Variants in FCF1 observed in about 807,000 individuals in gnomAD.
FCF1 encodes the protein FCF1 rRNA-processing protein.
In FCF1, 17 loss-of-function variants were observed where a neutral mutation model predicts 32.5. The observed-to-expected ratio is 0.52, with a 90% CI of 0.36 to 0.78. The LOEUF (loss-of-function observed/expected upper bound fraction) is 0.78, where lower values mean the gene tolerates loss of function less well. Ranked by LOEUF, FCF1 falls within the 30% of genes least tolerant of loss-of-function variation. FCF1 has a pLI of 0.00. For missense variants in FCF1, 201 were observed against 241.1 expected (o/e 0.83, Z 1.10); for synonymous variants, 84 against 78.4 (o/e 1.07, Z -0.38).
chr14:74,715,237 T>A (rs868124943), intron 3 of FCF1, among the ~76,000 whole-genome samples: 4 of 152,098 alleles, frequency 2.6e-5, no homozygotes, highest in South Asian at 2.1e-4. Context: ...CAGCAGTTCA[T>A]AAAAGAGAGA....
At chr14:74,730,175 A>T (rs1021312062) in intron 5 of FCF1, among the ~76,000 whole-genome samples, 1 of 150,756 alleles carries the variant, frequency 6.6e-6, no homozygotes. Flanking sequence ...ATGCAAACCA[A>T]TACTGCATTG....
chr14:74,713,595 G>A (rs766643493), intron 2 of FCF1, 43 bp downstream of exon 2: 1 of 1,507,084 alleles, frequency 6.6e-7, no homozygotes, highest in Non-Finnish European at 9.1e-7. Flanking sequence ...TCTAATAAGA[G>A]TCTAGAGAGG....
intron 2 of FCF1, 82 bp downstream of exon 2, chr14:74,713,634 A>G (rs2090366906): frequency 7.6e-7 from 1 of 1,321,524 alleles, no homozygotes; most frequent in Admixed American, 2.1e-5. Context: ...TGTTGTTATT[A>G]TTTTGTTTTT....
chr14:74,716,142 T>A, intron 4 of FCF1, 43 bp downstream of exon 4: 1 of 1,568,394 alleles, frequency 6.4e-7, no homozygotes, highest in Non-Finnish European at 8.8e-7. Context: ...TTGTTCAGAA[T>A]AATTATATTT....
At chr14:74,719,128 T>A (rs1270273697) in intron 4 of FCF1, among the ~76,000 whole-genome samples, 7 of 69,530 alleles carry the variant, frequency 1.0e-4, no homozygotes, top group East Asian at 3.9e-4. Flanking sequence ...AGACTCTGTC[T>A]CAAAAAAAAA....
rs1188960206 is a variant in FCF1, at chr14:74,736,554, C to G, written c.*1624C>G. On this transcript the variant is annotated 3_prime_UTR_variant, in exon 8 of 8. Coordinates refer to ENST00000341162, the MANE Select transcript of FCF1 (RefSeq NM_015962.5). The stretch of plus-strand genomic sequence containing the variant: ...TTATACATTTCAAAATTGATGTTCT[C>G]ATCACAGAAATGTATTTGAAGTATT... The G allele has an allele frequency of 2.0e-5, 3 of 152,220 alleles. No individual in the cohort carries two copies. The highest frequency in any genetic ancestry group is 7.2e-5 in the African/African-American group (3 of 41,526). The allele number at this position is 152,220 out of a possible 1,614,324, so 9.4% of individuals were successfully genotyped here.
chr14:74,714,153 G>A (rs1240466818), intron 2 of FCF1, among the ~76,000 whole-genome samples: 1 of 152,192 alleles, frequency 6.6e-6, no homozygotes, highest in African/African-American at 2.4e-5. Context: ...GATCTTCACT[G>A]AGTTTAAGAG....
intron 5 of FCF1, among the ~76,000 whole-genome samples, chr14:74,723,610 C>T (rs2090535649): frequency 6.6e-6 from 1 of 152,014 alleles, no homozygotes; most frequent in Non-Finnish European, 1.5e-5. Context: ...AGGCAGATCA[C>T]CTGAGGTCAG....
At chr14:74,724,187 A>G (rs1026946576) in intron 5 of FCF1, among the ~76,000 whole-genome samples, 1 of 152,242 alleles carries the variant, frequency 6.6e-6, no homozygotes, top group Non-Finnish European at 1.5e-5. Flanking sequence ...TCATACTCTT[A>G]CAACACAGTC....
intron 5 of FCF1, among the ~76,000 whole-genome samples, chr14:74,730,485 G>A (rs987216277): frequency 4.6e-5 from 7 of 151,964 alleles, no homozygotes; most frequent in African/African-American, 7.2e-5. Context: ...AGGCTGTGGC[G>A]GGCAGATCAC....
At chr14:74,714,813 G>A in intron 2 of FCF1, 59 bp from the exon 3 acceptor site, 7 of 1,494,254 alleles carry the variant, frequency 4.7e-6, no homozygotes, top group South Asian at 1.3e-5. Flanking sequence ...AGATTTTTGA[G>A]ATTTTAATTG....
intron 3 of FCF1, 149 bp downstream of exon 3, chr14:74,715,092 C>T (rs922752271): frequency 6.9e-5 from 53 of 772,244 alleles, no homozygotes; most frequent in Non-Finnish European, 9.9e-5. Flanking sequence ...TATATCAATT[C>T]TAGTGGTTTG....
At chr14:74,718,976 A>G (rs1387044642) in intron 4 of FCF1, among the ~76,000 whole-genome samples, 1 of 151,650 alleles carries the variant, frequency 6.6e-6, no homozygotes, top group Non-Finnish European at 1.5e-5. Flanking sequence ...CTAAAAATAC[A>G]AAAATTAGCC....
chr14:74,726,116 T>C (rs1206342428), intron 5 of FCF1, among the ~76,000 whole-genome samples: 2 of 151,740 alleles, frequency 1.3e-5, no homozygotes, highest in Admixed American at 1.3e-4. Context: ...TAAAATACTA[T>C]ACAAGAGTGA....
At chr14:74,734,297 T>A (rs2090677710) in intron 7 of FCF1, 127 bp downstream of exon 7, 1 of 586,746 alleles carries the variant, frequency 1.7e-6, no homozygotes, top group Non-Finnish European at 3.0e-6. Context: ...ATAGTTATAT[T>A]TGAAGAAATG....
intron 5 of FCF1, among the ~76,000 whole-genome samples, chr14:74,726,134 T>TACTC (rs1471897254): frequency 2.0e-5 from 3 of 151,246 alleles, no homozygotes; most frequent in African/African-American, 4.9e-5. Flanking sequence ...TGAAGATGAG[T>TACTC]GAACTAGAGT....
At chr14:74,734,005 G>A (rs1440713371) in intron 6 of FCF1, 71 bp from the exon 7 acceptor site, 21 of 984,814 alleles carry the variant, frequency 2.1e-5, no homozygotes, top group Non-Finnish European at 3.1e-5. Context: ...GTCAGTCGTT[G>A]TGCCATTATC....
Position 74,734,911 on chromosome 14 carries a change from A to T in FCF1, c.578A>T (p.Tyr193Phe), listed in dbSNP as rs369988210. The T allele has an allele frequency of 3.1e-6, 5 of 1,613,926 alleles. No individual in the cohort carries two copies. The highest frequency in any genetic ancestry group is 1.7e-4 in the Middle Eastern group (1 of 6,060). ...AACATTGAACGGATGCCAGATGATTATGGAGCCCCTCGATTCTAATTCTTA... is the reference window on the plus strand; with the variant it reads ...AACATTGAACGGATGCCAGATGATTTTGGAGCCCCTCGATTCTAATTCTTA... The part of the protein sequence containing the change: ...RYNIERMPDD[Y>F]GAPRF Residue 193 changes from tyrosine to phenylalanine, a missense_variant, in exon 8 of 8, where the codon TAT becomes TTT. This residue lies in a region of FCF1 where 121 missense variants were observed against 147.8 expected (regional missense o/e 0.82). Transcript: ENST00000341162.
intron 5 of FCF1, among the ~76,000 whole-genome samples, chr14:74,725,750 C>T (rs2090569545): frequency 6.6e-6 from 1 of 151,578 alleles, no homozygotes; most frequent in Admixed American, 6.6e-5. Flanking sequence ...CTGGCTAACA[C>T]GGTGAAACCC....
Sources: allele counts gnomAD v4.1 joint callset (sites outside exome capture counted in the v4.1 genomes callset), GRCh38; gene constraint gnomAD v4.1.1; regional missense constraint gnomAD v4.1.1; transcripts MANE v1.5; gene names NCBI Gene and HGNC (gene_info 2026-07-23, HGNC 2026-07-21).